Variants in EBF2 observed in about 807,000 individuals in gnomAD.
EBF2 encodes transcription factor COE2.
In EBF2, 21 loss-of-function variants were observed where a neutral mutation model predicts 72.8. The observed-to-expected ratio is 0.29, with a 90% CI of 0.20 to 0.42. The LOEUF (loss-of-function observed/expected upper bound fraction) is 0.42. EBF2 is among the 10% of genes least tolerant of loss of function. The pLI is 1.00. For missense variants in EBF2, 637 were observed against 731.2 expected (o/e 0.87, Z 1.49); for synonymous variants, 299 against 274.2 (o/e 1.09, Z -0.89).
At chr8:26,021,412 C>G (rs1050557986) in intron 6 of EBF2, among the ~76,000 whole-genome samples, 3 of 152,134 alleles carry the variant, frequency 2.0e-5, no homozygotes, top group African/African-American at 7.2e-5. Context: ...AATAAAGGAG[C>G]CATAGCATAT....
intron 7 of EBF2, among the ~76,000 whole-genome samples, chr8:25,892,461 T>G (rs1802800292): frequency 6.6e-6 from 1 of 152,108 alleles, no homozygotes; most frequent in African/African-American, 2.4e-5. Context: ...GCTGTCCAAT[T>G]TACACTGTGA....
chr8:25,910,062 T>C (rs527785095), intron 6 of EBF2, among the ~76,000 whole-genome samples: 52 of 152,178 alleles, frequency 3.4e-4, no homozygotes, highest in African/African-American at 1.2e-3. Context: ...GCAGAGAAAA[T>C]GTTGTGCGTG....
chr8:25,899,490 G>A (rs1802914125), intron 7 of EBF2, among the ~76,000 whole-genome samples: 1 of 152,166 alleles, frequency 6.6e-6, no homozygotes, highest in Non-Finnish European at 1.5e-5. Context: ...GGCAGCTGGA[G>A]CTGTATTAAA....
chr8:26,005,124 T>C (rs1298947300), intron 6 of EBF2, among the ~76,000 whole-genome samples: 1 of 144,880 alleles, frequency 6.9e-6, no homozygotes, highest in East Asian at 2.0e-4. Context: ...TCTTGTCTAT[T>C]GTGCTTCCTA....
At chr8:25,920,238 A>T (rs1245062935) in intron 6 of EBF2, among the ~76,000 whole-genome samples, 1 of 152,238 alleles carries the variant, frequency 6.6e-6, no homozygotes, top group Non-Finnish European at 1.5e-5. Flanking sequence ...CAGATTCCTC[A>T]TATCCCGTTT....
At chr8:25,973,966 C>T (rs1047779360) in intron 6 of EBF2, among the ~76,000 whole-genome samples, 2 of 152,196 alleles carry the variant, frequency 1.3e-5, no homozygotes, top group African/African-American at 2.4e-5. Context: ...GTGTGAGCCA[C>T]CACACCCAGC....
intron 7 of EBF2, among the ~76,000 whole-genome samples, chr8:25,904,419 G>T (rs1554568200): frequency 6.6e-6 from 1 of 151,568 alleles, no homozygotes; most frequent in Non-Finnish European, 1.5e-5. Context: ...AAGAATCCAG[G>T]TTCCACCAGT....
At chr8:25,847,043 T>C (rs948984936) in intron 15 of EBF2, among the ~76,000 whole-genome samples, 10 of 152,198 alleles carry the variant, frequency 6.6e-5, no homozygotes, top group African/African-American at 2.2e-4. Context: ...AGCTCTGGAA[T>C]CTGCATGTCT....
chr8:25,850,473 A>G, intron 15 of EBF2, 121 bp downstream of exon 15: 1 of 1,227,838 alleles, frequency 8.1e-7, no homozygotes, highest in Non-Finnish European at 1.1e-6. Context: ...GTCCCATGAT[A>G]AGAACAGCAA....
intron 7 of EBF2, among the ~76,000 whole-genome samples, chr8:25,903,436 C>G (rs1802988295): frequency 6.6e-6 from 1 of 152,118 alleles, no homozygotes. Flanking sequence ...TGGCTCACGC[C>G]TGTAATCCCA....
At chr8:25,917,236 G>A (rs1468013593) in intron 6 of EBF2, among the ~76,000 whole-genome samples, 6 of 148,098 alleles carry the variant, frequency 4.1e-5, no homozygotes, top group Non-Finnish European at 7.4e-5. Flanking sequence ...ATATTCAGAC[G>A]CATCTTCATT....
chr8:25,849,363 A>C (rs1801911529), intron 15 of EBF2, among the ~76,000 whole-genome samples: 1 of 152,074 alleles, frequency 6.6e-6, no homozygotes, highest in Non-Finnish European at 1.5e-5. Context: ...GAGGAGACTG[A>C]CCTCTCACAC....
chr8:25,993,042 G>A (rs1804570571), intron 6 of EBF2, among the ~76,000 whole-genome samples: 1 of 152,116 alleles, frequency 6.6e-6, no homozygotes, highest in Admixed American at 6.6e-5. Context: ...CTCCTTCAGT[G>A]ACATAATAAT....
intron 10 of EBF2, among the ~76,000 whole-genome samples, chr8:25,874,914 G>T: frequency 7.5e-6 from 1 of 133,244 alleles, no homozygotes. Flanking sequence ...TCAAACTCCT[G>T]GCCTCAAGTG....
chr8:25,844,813 A>G lies in EBF2; in HGVS notation c.1697-173T>C, dbSNP rs1801799740. On this transcript the variant is annotated intron_variant, in intron 15 of 15. Transcript: ENST00000520164. ...CCAGGTTTGGTCTAGCAGACAGCCCATTAAAGGCACTGAAGCCTTATGGAA... is the reference window on the plus strand; with the variant it reads ...CCAGGTTTGGTCTAGCAGACAGCCCGTTAAAGGCACTGAAGCCTTATGGAA... Among the ~76,000 whole-genome samples, 3 of 152,304 alleles carry G rather than the reference A, an allele frequency of 2.0e-5. No homozygotes were observed. In the South Asian group the frequency reaches 6.2e-4, roughly 32 times the overall value.
chr8:26,028,152 A>G (rs926594387), intron 6 of EBF2, among the ~76,000 whole-genome samples: 1 of 152,246 alleles, frequency 6.6e-6, no homozygotes. Context: ...ATTTTTTAAA[A>G]AAGAAAATGG....
intron 6 of EBF2, among the ~76,000 whole-genome samples, chr8:25,922,155 C>T (rs1196134797): frequency 1.3e-5 from 2 of 152,066 alleles, no homozygotes. Context: ...AAACCAGAAC[C>T]TGAGTTTATG....
At chr8:26,018,112 GTTTT>G (rs71730646) in intron 6 of EBF2, among the ~76,000 whole-genome samples, 1 of 146,416 alleles carries the variant, frequency 6.8e-6, no homozygotes, top group African/African-American at 2.5e-5. Context: ...GGTTGGAAAA[GTTTT>G]TTTTTTTTTC....
At chr8:25,846,485 C>T (rs1445344635) in intron 15 of EBF2, among the ~76,000 whole-genome samples, 1 of 151,990 alleles carries the variant, frequency 6.6e-6, no homozygotes, top group Non-Finnish European at 1.5e-5. Flanking sequence ...CCCAGGAGTT[C>T]AAGACCAGCC....
Sources: gnomAD v4.1 joint callset for allele counts (sites outside exome capture counted in the v4.1 genomes callset) on GRCh38, gnomAD v4.1.1 for gene constraint, MANE v1.5 for transcripts, NCBI Gene and HGNC (gene_info 2026-07-23, HGNC 2026-07-21) for gene names.